The following DNAH11 variants were observed in gnomAD, a reference collection of about 807,000 sequenced individuals.
The protein encoded by DNAH11 is axonemal beta dynein heavy chain 11.
A neutral mutation model predicts 526.0 loss-of-function variants in DNAH11; 442 were observed. That is an observed-to-expected ratio of 0.84 (90% CI 0.78 to 0.91). The LOEUF (loss-of-function observed/expected upper bound fraction) is 0.91. Among genes scored for constraint, DNAH11 ranks in the 40% least tolerant of loss-of-function variants. The probability of loss-of-function intolerance (pLI) is 0.00; values close to 1 mark genes in which losing one functional copy is unlikely to be tolerated. For synonymous variants in DNAH11, 2,461 were observed against 1,935.9 expected, an observed-to-expected ratio of 1.27 and a Z score of -7.12; for missense variants, 6,989 against 5,448.7, an observed-to-expected ratio of 1.28 and a Z score of -8.90.
intron 55 of DNAH11, among the ~76,000 whole-genome samples, chr7:21,773,027 T>C (rs1288077772): frequency 7.2e-5 from 11 of 152,198 alleles, no homozygotes; most frequent in Admixed American, 6.5e-4. Context: ...ATTTGTAGGC[T>C]TCCCTTGATT....
chr7:21,621,449 G>A (rs1474567637), intron 25 of DNAH11, among the ~76,000 whole-genome samples: 1 of 152,074 alleles, frequency 6.6e-6, no homozygotes, highest in African/African-American at 2.4e-5. Flanking sequence ...AGAAAAAGAG[G>A]AAATCCTCCC....
At chr7:21,785,631 A>C (rs1233041155) in intron 58 of DNAH11, among the ~76,000 whole-genome samples, 1 of 152,204 alleles carries the variant, frequency 6.6e-6, no homozygotes, top group Non-Finnish European at 1.5e-5. Flanking sequence ...TAAATTTGCA[A>C]ATTTTTCTCT....
intron 54 of DNAH11, among the ~76,000 whole-genome samples, chr7:21,754,576 C>A (rs561220477): frequency 6.6e-5 from 10 of 152,048 alleles, no homozygotes; most frequent in Admixed American, 2.0e-4. Context: ...CCCCCCCACC[C>A]CATCATCACA....
chr7:21,610,496 A>G (rs2128450452), intron 20 of DNAH11, among the ~76,000 whole-genome samples: 1 of 152,354 alleles, frequency 6.6e-6, no homozygotes, highest in East Asian at 1.9e-4. Context: ...TCAGTCAAAT[A>G]TGAGTACACA....
At chr7:21,898,545 C>G (rs76528922) in intron 79 of DNAH11, among the ~76,000 whole-genome samples, 2,388 of 152,334 alleles carry the variant, frequency 0.016, 22 homozygotes, top group Middle Eastern at 0.02. Context: ...GGCTTTTACA[C>G]TGAGGCTATG....
chr7:21,817,550 A>G (rs935211592), intron 64 of DNAH11, among the ~76,000 whole-genome samples: 54 of 144,032 alleles, frequency 3.7e-4, no homozygotes, highest in Non-Finnish European at 5.8e-4. Context: ...AAAAGTTGCC[A>G]GGTATGGTAG....
chr7:21,680,825 A>G (rs1323624188), intron 30 of DNAH11, among the ~76,000 whole-genome samples: 1 of 152,254 alleles, frequency 6.6e-6, no homozygotes, highest in Non-Finnish European at 1.5e-5. Flanking sequence ...AAACCAAAGC[A>G]AACACAAATT....
chr7:21,648,015 C>T (rs1405046550), intron 28 of DNAH11, among the ~76,000 whole-genome samples: 1 of 151,944 alleles, frequency 6.6e-6, no homozygotes, highest in Non-Finnish European at 1.5e-5. Context: ...AAAATTGGAG[C>T]ATTAGCCAAT....
intron 54 of DNAH11, among the ~76,000 whole-genome samples, chr7:21,757,508 G>A (rs990429431): frequency 1.3e-5 from 2 of 152,110 alleles, no homozygotes; most frequent in Non-Finnish European, 2.9e-5. Flanking sequence ...AGAGTGCTAT[G>A]CAAGTTTTTA....
intron 49 of DNAH11, 79 bp downstream of exon 49, chr7:21,742,245 A>G: frequency 2.7e-6 from 4 of 1,469,560 alleles, no homozygotes; most frequent in Non-Finnish European, 2.8e-6. Flanking sequence ...TTTTTATGTC[A>G]CTATAGAGAA....
intron 44 of DNAH11, among the ~76,000 whole-genome samples, chr7:21,723,804 C>T (rs1216412938): frequency 6.7e-6 from 1 of 149,496 alleles, no homozygotes; most frequent in Non-Finnish European, 1.5e-5. Flanking sequence ...TCTTTCATAC[C>T]ACAGGAACTT....
At chr7:21,656,032 C>T (rs1384859837) in intron 29 of DNAH11, 51 bp downstream of exon 29, 6 of 1,492,664 alleles carry the variant, frequency 4.0e-6, no homozygotes, top group Admixed American at 2.2e-5. Context: ...TTTCAGCATG[C>T]TCTTAGAAGG....
At chr7:21,882,972 C>G (rs980936595) in intron 75 of DNAH11, among the ~76,000 whole-genome samples, 5 of 152,102 alleles carry the variant, frequency 3.3e-5, no homozygotes, top group African/African-American at 9.7e-5. Context: ...AGAAAAAGAA[C>G]TAAAAGTCAG....
At chr7:21,655,809 C>G (rs751794185) in intron 28 of DNAH11, 23 bp from the exon 29 acceptor site, 13 of 1,603,964 alleles carry the variant, frequency 8.1e-6, no homozygotes, top group Admixed American at 1.7e-5. Context: ...ATGTTCTTAT[C>G]TTTTCTAATA....
intron 61 of DNAH11, among the ~76,000 whole-genome samples, chr7:21,798,183 A>G (rs1251982307): frequency 6.6e-6 from 1 of 151,984 alleles, no homozygotes; most frequent in African/African-American, 2.4e-5. Flanking sequence ...TACAAACTTG[A>G]CTCCTAGGTT....
chr7:21,617,821 A>T, intron 23 of DNAH11, 44 bp downstream of exon 23: 1 of 1,505,140 alleles, frequency 6.6e-7, no homozygotes, highest in Non-Finnish European at 8.9e-7. Flanking sequence ...TATGACTGTG[A>T]AGTGTTACTT....
In DNAH11 at chr7:21,735,664, A is replaced by C. The variant is rs780958603; in HGVS notation, c.7465A>C (p.Thr2489Pro). The change falls in exon 46 of 82, where the codon ACA becomes CCA. Residue 2489 changes from threonine (T) to proline (P), a missense_variant. Coordinates refer to ENST00000409508, the MANE Select transcript of DNAH11 (RefSeq NM_001277115.2). ...GACAGTTCTCGTTCACACAACAGAG[A>C]CAGCTCGTCTTAGATATTTCATGGA... ...LQTVLVHTTETARLRYFMELL... is the reference protein window; with the variant it reads ...LQTVLVHTTEPARLRYFMELL... 2 of 1,600,944 alleles carry C rather than the reference A, an allele frequency of 1.2e-6. No individual in the cohort carries two copies. Among genetic ancestry groups the C allele is most frequent in the South Asian group, 2.2e-5 (2 of 89,324 alleles).
At chr7:21,550,758 A>G (rs1315039898) in intron 2 of DNAH11, among the ~76,000 whole-genome samples, 1 of 152,080 alleles carries the variant, frequency 6.6e-6, no homozygotes, top group Non-Finnish European at 1.5e-5. Flanking sequence ...TCTAGGTACA[A>G]CCTGTTTTAA....
At chr7:21,798,834 T>C (rs1014307380) in intron 61 of DNAH11, among the ~76,000 whole-genome samples, 5 of 152,166 alleles carry the variant, frequency 3.3e-5, no homozygotes, top group African/African-American at 1.2e-4. Flanking sequence ...AAAATCTAAA[T>C]GTCATTTTTA....
Sources: allele counts gnomAD v4.1 joint callset (sites outside exome capture counted in the v4.1 genomes callset), GRCh38; gene constraint gnomAD v4.1.1; transcripts MANE v1.5; gene names NCBI Gene and HGNC (gene_info 2026-07-23, HGNC 2026-07-21).